FARS2: variants seen among roughly 807,000 people sequenced by gnomAD.
The protein encoded by FARS2 is phenylalanine--tRNA ligase, mitochondrial.
In FARS2, 40 loss-of-function variants were observed where a neutral mutation model predicts 46.4. That is an observed-to-expected ratio of 0.86 (90% CI 0.67 to 1.12). FARS2 has a LOEUF of 1.12. Ranked by LOEUF, FARS2 falls within the 50% of genes most tolerant of loss-of-function variation. The probability of loss-of-function intolerance (pLI) is 0.00; values close to 1 mark genes in which losing one functional copy is unlikely to be tolerated. For synonymous variants in FARS2, 234 were observed against 214.9 expected (o/e 1.09, Z -0.78); for missense variants, 513 against 567.9 (o/e 0.90, Z 0.98).
At chr6:5,459,588 C>T (rs1239858305) in intron 4 of FARS2, among the ~76,000 whole-genome samples, 1 of 152,134 alleles carries the variant, frequency 6.6e-6, no homozygotes, top group Non-Finnish European at 1.5e-5. Context: ...TCATTTTGAC[C>T]ACAGCACTTT....
At chr6:5,602,645 C>CAAAAAA (rs55712653) in intron 5 of FARS2, among the ~76,000 whole-genome samples, 14 of 72,188 alleles carry the variant, frequency 1.9e-4, no homozygotes, top group East Asian at 5.8e-4. Flanking sequence ...GACTCCGTCT[C>CAAAAAA]AAAAAAAAAA....
intron 6 of FARS2, among the ~76,000 whole-genome samples, chr6:5,639,963 C>T (rs1776728949): frequency 6.6e-6 from 1 of 152,184 alleles, no homozygotes; most frequent in Admixed American, 6.5e-5. Flanking sequence ...ATTCTCAGCT[C>T]ATCTGGTGGG....
chr6:5,267,789 C>G (rs1765653197), intron 1 of FARS2, among the ~76,000 whole-genome samples: 1 of 151,344 alleles, frequency 6.6e-6, no homozygotes. Flanking sequence ...CTGTCTTCCA[C>G]AATGGTTGAA....
intron 6 of FARS2, among the ~76,000 whole-genome samples, chr6:5,620,799 C>T (rs1775731981): frequency 6.6e-6 from 1 of 152,232 alleles, no homozygotes; most frequent in African/African-American, 2.4e-5. Context: ...AGATCAGAGG[C>T]AGTTGGTGGA....
intron 1 of FARS2, among the ~76,000 whole-genome samples, chr6:5,287,295 G>A (rs1325973568): frequency 6.6e-6 from 1 of 152,204 alleles, no homozygotes; most frequent in African/African-American, 2.4e-5. Flanking sequence ...TGTGTCAGAG[G>A]TGGCAGTGGT....
chr6:5,264,048 C>A (rs544488641), intron 1 of FARS2, among the ~76,000 whole-genome samples: 33 of 152,012 alleles, frequency 2.2e-4, no homozygotes, highest in Admixed American at 1.9e-3. Flanking sequence ...CCCATCTATA[C>A]AAAAAATACA....
At chr6:5,716,248 G>A (rs1423480323) in intron 6 of FARS2, among the ~76,000 whole-genome samples, 1 of 152,126 alleles carries the variant, frequency 6.6e-6, no homozygotes, top group Non-Finnish European at 1.5e-5. Flanking sequence ...CATATAGAGT[G>A]CTCAGATTTT....
rs530948768 is a variant in FARS2 at position 5,647,793 on chromosome 6, C to G, written c.1217+34473C>G. ...GCACAGAATCATCAGTGCATGATAC[C>G]ACATACCCAGTGACCCAAACCGCTT... On this transcript the variant is annotated intron_variant, in intron 6 of 6. Coordinates refer to ENST00000274680, the MANE Select transcript of FARS2 (RefSeq NM_006567.5). Among the ~76,000 whole-genome samples, 9 of 152,302 alleles carry G rather than the reference C, an allele frequency of 5.9e-5. No individual in the cohort carries two copies. The South Asian group carries it at 1.9e-3, about 32-fold the overall frequency.
chr6:5,389,763 T>G (rs899191522), intron 2 of FARS2, among the ~76,000 whole-genome samples: 4 of 152,250 alleles, frequency 2.6e-5, no homozygotes, highest in African/African-American at 9.6e-5. Flanking sequence ...TTGAAAATGT[T>G]ACATCTGTTT....
At chr6:5,681,397 T>C (rs1779025065) in intron 6 of FARS2, among the ~76,000 whole-genome samples, 2 of 152,248 alleles carry the variant, frequency 1.3e-5, no homozygotes, top group South Asian at 2.1e-4. Flanking sequence ...ATTCATGTTA[T>C]GTCCATGAGG....
At chr6:5,365,860 G>C (rs1758643531) in intron 1 of FARS2, among the ~76,000 whole-genome samples, 1 of 152,112 alleles carries the variant, frequency 6.6e-6, no homozygotes, top group Admixed American at 6.5e-5. Flanking sequence ...ATGTTATTAA[G>C]AAAATCATGA....
At chr6:5,355,518 G>C (rs968594544) in intron 1 of FARS2, among the ~76,000 whole-genome samples, 1 of 151,350 alleles carries the variant, frequency 6.6e-6, no homozygotes. Context: ...CACCATGCCC[G>C]GCTAATTTTT....
the FARS2 span, among the ~76,000 whole-genome samples, chr6:5,254,728 A>T: frequency 6.6e-6 from 1 of 152,038 alleles, no homozygotes. Context: ...TCATACTCCA[A>T]CTTGCCCTCT....
intron 4 of FARS2, among the ~76,000 whole-genome samples, chr6:5,475,966 C>T (rs960098868): frequency 7.2e-5 from 11 of 152,180 alleles, no homozygotes; most frequent in African/African-American, 2.7e-4. Context: ...TGGCCAGGGG[C>T]TAACCTGATC....
intron 5 of FARS2, among the ~76,000 whole-genome samples, chr6:5,592,761 C>T (rs922062792): frequency 9.8e-5 from 15 of 152,360 alleles, no homozygotes; most frequent in African/African-American, 3.4e-4. Context: ...TGTCTCCCCT[C>T]GCTTTCCCTT....
chr6:5,270,309 G>A (rs1387202953), intron 1 of FARS2, among the ~76,000 whole-genome samples: 1 of 152,210 alleles, frequency 6.6e-6, no homozygotes, highest in Non-Finnish European at 1.5e-5. Flanking sequence ...ATTAAGCCCT[G>A]TTAGGAATCC....
chr6:5,613,617 T>A (rs150809650), intron 6 of FARS2, among the ~76,000 whole-genome samples: 94 of 152,326 alleles, frequency 6.2e-4, no homozygotes, highest in African/African-American at 2.2e-3. Context: ...CCTTAGCATG[T>A]TCCAGGTGCA....
intron 2 of FARS2, among the ~76,000 whole-genome samples, chr6:5,401,997 GT>G (rs201090447): frequency 7.1e-6 from 1 of 141,714 alleles, no homozygotes; most frequent in African/African-American, 2.5e-5. Context: ...CTGCTCCATT[GT>G]TTTTTTTTCC....
intron 2 of FARS2, among the ~76,000 whole-genome samples, chr6:5,401,092 C>T (rs906537600): frequency 2.0e-5 from 3 of 151,482 alleles, no homozygotes; most frequent in Non-Finnish European, 4.4e-5. Flanking sequence ...TGCTTTGTGG[C>T]CAGATTTATT....
Sources: allele counts gnomAD v4.1 joint callset (sites outside exome capture counted in the v4.1 genomes callset), GRCh38; gene constraint gnomAD v4.1.1; transcripts MANE v1.5; gene names NCBI Gene and HGNC (gene_info 2026-07-23, HGNC 2026-07-21).